Variants in DCC observed in about 807,000 individuals in gnomAD.
DCC encodes netrin receptor DCC.
DCC carries 58 observed loss-of-function variants against 172.5 expected under a neutral mutation model. The observed-to-expected ratio is 0.34, with a 90% CI of 0.27 to 0.42. The LOEUF is 0.42. Ranked by LOEUF, DCC falls within the 10% of genes least tolerant of loss-of-function variation. The pLI is 1.00. For missense variants in DCC, 1,740 were observed against 1,791.0 expected (o/e 0.97, Z 0.51); for synonymous variants, 709 against 644.5 (o/e 1.10, Z -1.52).
intron 25 of DCC, among the ~76,000 whole-genome samples, chr18:53,470,815 G>A (rs1370974262): frequency 2.6e-5 from 4 of 152,136 alleles, no homozygotes; most frequent in African/African-American, 9.7e-5. Context: ...GATCATGGGG[G>A]GAACTGCCCC....
At chr18:52,599,913 G>A (rs1309951333) in intron 1 of DCC, among the ~76,000 whole-genome samples, 2 of 152,102 alleles carry the variant, frequency 1.3e-5, no homozygotes, top group Non-Finnish European at 2.9e-5. Flanking sequence ...TATCGCCCCT[G>A]TTCTAACCAT....
At chr18:53,048,367 A>G (rs2042287261) in intron 5 of DCC, among the ~76,000 whole-genome samples, 1 of 151,706 alleles carries the variant, frequency 6.6e-6, no homozygotes, top group African/African-American at 2.4e-5. Context: ...ATAAGTGAGA[A>G]CATGTGGTAT....
chr18:53,102,401 C>A (rs529670261), intron 7 of DCC, among the ~76,000 whole-genome samples: 2 of 151,946 alleles, frequency 1.3e-5, no homozygotes, highest in African/African-American at 4.8e-5. Flanking sequence ...TGTTTTTATT[C>A]TTTTGATTGT....
chr18:52,522,699 T>C (rs1459092131), intron 1 of DCC, among the ~76,000 whole-genome samples: 1 of 152,208 alleles, frequency 6.6e-6, no homozygotes, highest in South Asian at 2.1e-4. Context: ...ATTGCAGTCA[T>C]GTATAAATGT....
At chr18:53,194,022 A>T (rs2055404732) in intron 9 of DCC, among the ~76,000 whole-genome samples, 1 of 152,148 alleles carries the variant, frequency 6.6e-6, no homozygotes, top group South Asian at 2.1e-4. Flanking sequence ...GATTGTTCCC[A>T]TATTGACCAT....
chr18:52,553,730 T>C (rs1274352717), intron 1 of DCC, among the ~76,000 whole-genome samples: 1 of 151,896 alleles, frequency 6.6e-6, no homozygotes, highest in Non-Finnish European at 1.5e-5. Context: ...AGGGGAGGAT[T>C]AATAGAAAGG....
intron 1 of DCC, among the ~76,000 whole-genome samples, chr18:52,492,069 C>T (rs902124202): frequency 4.6e-5 from 7 of 151,852 alleles, no homozygotes; most frequent in African/African-American, 1.2e-4. Context: ...AGGAAAGAAC[C>T]GTCGTTTACT....
intron 5 of DCC, among the ~76,000 whole-genome samples, chr18:53,003,959 A>G (rs917029881): frequency 3.3e-5 from 5 of 152,178 alleles, no homozygotes; most frequent in African/African-American, 1.2e-4. Flanking sequence ...CTACATACAT[A>G]TATTTTATAT....
intron 3 of DCC, among the ~76,000 whole-genome samples, chr18:52,909,687 G>A (rs4940223): frequency 6.6e-6 from 1 of 152,070 alleles, no homozygotes; most frequent in Admixed American, 6.6e-5. Flanking sequence ...TCAGCGACCA[G>A]TTTCACTTTA....
chr18:52,438,760 T>C (rs544711764), intron 1 of DCC, among the ~76,000 whole-genome samples: 2 of 152,338 alleles, frequency 1.3e-5, no homozygotes, highest in East Asian at 3.9e-4. Flanking sequence ...ATTTCATTAT[T>C]ATCTTGCATA....
intron 2 of DCC, among the ~76,000 whole-genome samples, chr18:52,788,018 G>A (rs2037690883): frequency 6.6e-6 from 1 of 152,124 alleles, no homozygotes; most frequent in Non-Finnish European, 1.5e-5. Context: ...GAGGAGGTTA[G>A]TGTCTTAAGA....
chr18:53,048,031 T>C lies in DCC; in HGVS notation c.986-15274T>C, dbSNP rs575414367. Among the ~76,000 whole-genome samples the C allele has an allele frequency of 3.9e-5, 6 of 152,104 alleles. No individual in the cohort carries two copies. The East Asian group carries it at 1.2e-3, about 30-fold the overall frequency. On this transcript the variant is annotated intron_variant, in intron 5 of 28. Coordinates refer to ENST00000442544, the MANE Select transcript of DCC (RefSeq NM_005215.4). ...TTAGGAAAATGACATTTCCCCACAC[T>C]ATTAAAGGCATATTTTTAAAATCTT...
chr18:52,719,950 C>G (rs967320953), intron 1 of DCC, among the ~76,000 whole-genome samples: 2 of 151,994 alleles, frequency 1.3e-5, no homozygotes, highest in African/African-American at 4.8e-5. Context: ...TTTGGGGGTC[C>G]CTTCAACAAG....
chr18:53,444,430 C>T (rs1360837932), intron 22 of DCC, among the ~76,000 whole-genome samples: 2 of 152,020 alleles, frequency 1.3e-5, no homozygotes, highest in Admixed American at 6.6e-5. Flanking sequence ...ACCCAGGATG[C>T]GGAGATTGCA....
At chr18:53,005,991 T>C (rs1367042680) in intron 5 of DCC, among the ~76,000 whole-genome samples, 1 of 152,152 alleles carries the variant, frequency 6.6e-6, no homozygotes, top group Admixed American at 6.5e-5. Flanking sequence ...TTAAAGAAGA[T>C]TCAGGGGTTG....
chr18:53,497,535 T>G (rs1479519055), intron 26 of DCC, among the ~76,000 whole-genome samples: 1 of 152,212 alleles, frequency 6.6e-6, no homozygotes, highest in Non-Finnish European at 1.5e-5. Flanking sequence ...GGCTAAAAAT[T>G]GACCATCGGT....
intron 2 of DCC, among the ~76,000 whole-genome samples, chr18:52,785,726 A>G (rs1287634277): frequency 1.3e-5 from 2 of 152,032 alleles, no homozygotes; most frequent in Admixed American, 6.6e-5. Context: ...TCTTTTTTGA[A>G]TAAGTGGCAT....
intron 5 of DCC, among the ~76,000 whole-genome samples, chr18:52,967,573 G>C (rs997844860): frequency 2.6e-5 from 4 of 152,044 alleles, no homozygotes; most frequent in Non-Finnish European, 4.4e-5. Flanking sequence ...TTTCTTTCCT[G>C]TTTTGTGTCT....
At chr18:53,307,978 T>A (rs1339940068) in intron 13 of DCC, among the ~76,000 whole-genome samples, 1 of 146,556 alleles carries the variant, frequency 6.8e-6, no homozygotes, top group Admixed American at 6.9e-5. Flanking sequence ...TATACATGTG[T>A]ATGTGGATGT....
Sources: gnomAD v4.1 joint callset for allele counts (sites outside exome capture counted in the v4.1 genomes callset) on GRCh38, gnomAD v4.1.1 for gene constraint, MANE v1.5 for transcripts, NCBI Gene and HGNC (gene_info 2026-07-23, HGNC 2026-07-21) for gene names.